The following RYR3 variants were observed in gnomAD, a reference collection of about 807,000 sequenced individuals.
RYR3 encodes ryanodine receptor 3.
In RYR3, 207 loss-of-function variants were observed where a neutral mutation model predicts 584.3. That is an observed-to-expected ratio of 0.35 (90% confidence interval 0.32 to 0.40). The LOEUF (loss-of-function observed/expected upper bound fraction) is 0.40. Ranked by LOEUF, RYR3 falls within the 10% of genes least tolerant of loss-of-function variation. The pLI is 1.00. For missense variants in RYR3, 5,616 were observed against 6,089.2 expected (o/e 0.92, Z 2.59); for synonymous variants, 2,416 against 2,248.5 (o/e 1.07, Z -2.11).
chr15:33,581,778 C>T, intron 14 of RYR3, 135 bp downstream of exon 14: 1 of 759,496 alleles, frequency 1.3e-6, no homozygotes, highest in Non-Finnish European at 2.2e-6. Flanking sequence ...CTTTTGTTAA[C>T]CATTCAATTT....
chr15:33,368,046 T>C (rs1221215208), intron 1 of RYR3, among the ~76,000 whole-genome samples: 1 of 152,214 alleles, frequency 6.6e-6, no homozygotes, highest in African/African-American at 2.4e-5. Flanking sequence ...AAGTGAACTC[T>C]AGTTTTATTC....
chr15:33,861,594 ACT>A (rs1888241522), intron 102 of RYR3, among the ~76,000 whole-genome samples: 1 of 151,360 alleles, frequency 6.6e-6, no homozygotes, highest in Admixed American at 6.6e-5. Context: ...ATGCTCAGTC[ACT>A]GTCTTCAATT....
intron 18 of RYR3, among the ~76,000 whole-genome samples, chr15:33,605,771 C>T (rs2059876392): frequency 6.6e-6 from 1 of 152,122 alleles, no homozygotes; most frequent in Admixed American, 6.5e-5. Flanking sequence ...TGATGTCCCC[C>T]ACCAGGACAG....
At chr15:33,863,330 G>C (rs537810692) in intron 102 of RYR3, among the ~76,000 whole-genome samples, 36 of 152,274 alleles carry the variant, frequency 2.4e-4, no homozygotes, top group African/African-American at 7.7e-4. Context: ...GAAAGGCAGT[G>C]AACATACTTA....
At chr15:33,343,216 C>T (rs1972040250) in intron 1 of RYR3, among the ~76,000 whole-genome samples, 1 of 152,212 alleles carries the variant, frequency 6.6e-6, no homozygotes, top group Non-Finnish European at 1.5e-5. Context: ...TCTGCCAGTT[C>T]TCTGGAAGTT....
chr15:33,564,583 C>T (rs2057596517), intron 11 of RYR3, among the ~76,000 whole-genome samples: 1 of 152,112 alleles, frequency 6.6e-6, no homozygotes, highest in Admixed American at 6.5e-5. Context: ...GCAGTAATAC[C>T]ATCTAGAGCC....
chr15:33,657,536 C>T (rs16957256), intron 32 of RYR3, among the ~76,000 whole-genome samples: 6,509 of 152,306 alleles, frequency 0.043, 450 homozygotes, highest in African/African-American at 0.15. Flanking sequence ...CCAGGGACGA[C>T]TCCTGCCTTG....
chr15:33,563,820 C>T (rs947751719), intron 11 of RYR3, among the ~76,000 whole-genome samples: 8 of 151,870 alleles, frequency 5.3e-5, no homozygotes, highest in Non-Finnish European at 7.4e-5. Flanking sequence ...ACCTTATTAC[C>T]TTAAGGCAAC....
Position 33,587,903 on chromosome 15 carries a change from G to C in RYR3, c.1788+1787G>C, listed in dbSNP as rs117790508. Among the ~76,000 whole-genome samples the C allele has an allele frequency of 2.4e-3, 367 of 152,280 alleles. 1 individual carries two copies. Among genetic ancestry groups the C allele is most frequent in the Non-Finnish European group, 4.3e-3 (295 of 68,030 alleles). On this transcript the variant is annotated intron_variant, in intron 16 of 103. Transcript: ENST00000634891. Reference sequence around the variant, plus strand: ...ACTTCCATTGCAACACTTCATCTTTGCTTGGAAAATGCCAAGGTCATGTTT... The same window carrying C: ...ACTTCCATTGCAACACTTCATCTTTCCTTGGAAAATGCCAAGGTCATGTTT...
At chr15:33,376,052 C>T (rs535520928) in intron 1 of RYR3, among the ~76,000 whole-genome samples, 3 of 152,156 alleles carry the variant, frequency 2.0e-5, no homozygotes, top group African/African-American at 4.8e-5. Flanking sequence ...GAACAGAGTG[C>T]GACTCCATCT....
intron 6 of RYR3, among the ~76,000 whole-genome samples, chr15:33,540,068 T>C (rs746767177): frequency 6.6e-6 from 1 of 152,162 alleles, no homozygotes; most frequent in Non-Finnish European, 1.5e-5. Flanking sequence ...GATCATGGTG[T>C]CCGGAACTAA....
intron 8 of RYR3, 138 bp downstream of exon 8, chr15:33,543,853 C>T: frequency 1.4e-6 from 1 of 691,920 alleles, no homozygotes; most frequent in African/African-American, 1.8e-5. Flanking sequence ...GCCATGGGTT[C>T]CGGTTTGTAA....
chr15:33,488,907 ATTCTTCATG>A (rs1404843531), intron 2 of RYR3, among the ~76,000 whole-genome samples: 1 of 152,162 alleles, frequency 6.6e-6, no homozygotes. Flanking sequence ...TGTCATCTTG[ATTCTTCATG>A]GATATTTTCA....
intron 31 of RYR3, among the ~76,000 whole-genome samples, chr15:33,650,567 A>G (rs1455655382): frequency 6.6e-6 from 1 of 152,180 alleles, no homozygotes; most frequent in African/African-American, 2.4e-5. Flanking sequence ...TTTTTAGGAC[A>G]GTGCCTCAAC....
intron 43 of RYR3, among the ~76,000 whole-genome samples, chr15:33,710,709 G>A (rs1410185928): frequency 4.6e-5 from 7 of 152,220 alleles, no homozygotes; most frequent in Non-Finnish European, 8.8e-5. Context: ...AAGCTGACAA[G>A]TGTTCTCCAC....
intron 1 of RYR3, among the ~76,000 whole-genome samples, chr15:33,341,642 T>G (rs1416306455): frequency 6.6e-6 from 1 of 152,096 alleles, no homozygotes; most frequent in African/African-American, 2.4e-5. Flanking sequence ...TGTTCATTCA[T>G]CATAGAGAGT....
rs181399153 is a variant in RYR3, at chr15:33,739,280, A to G, written c.7657-552A>G. ...GCACTTAAATTTTCTTTACCCCTGG[A>G]TTTCGTTGGTCTAGTATAAGCAGAT... On this transcript the variant is annotated intron_variant, in intron 50 of 103. Coordinates refer to ENST00000634891, the MANE Select transcript of RYR3 (RefSeq NM_001036.6). 1.6e-3 allele frequency among the ~76,000 whole-genome samples: 238 copies of G among 152,304 alleles called. 3 individuals carry two copies. The highest frequency in any genetic ancestry group is 4.0e-3 in the African/African-American group (168 of 41,580).
At position 33,844,918 on chromosome 15, in the gene RYR3, C is replaced by G. The variant is rs1555488276; in HGVS notation, c.13353C>G (p.Ser4451=). ...ETEDVANLWN[S]FNDEEEEEAM... is the part of the protein sequence containing the mutation. ...AGGATGTTGCAAACCTATGGAATTC[C>G]TTTAATGACGAGGAAGAGGAAGAAG... Residue 4451 remains serine, a synonymous_variant, in exon 93 of 104, where the codon TCC becomes TCG. Coordinates refer to ENST00000634891, the MANE Select transcript of RYR3 (RefSeq NM_001036.6). 1 of 1,614,010 alleles carries G rather than the reference C, an allele frequency of 6.2e-7. No homozygotes were observed. The highest frequency in any genetic ancestry group is 8.5e-7 in the Non-Finnish European group (1 of 1,179,886).
At chr15:33,496,943 G>T (rs1454105122) in intron 2 of RYR3, among the ~76,000 whole-genome samples, 1 of 152,092 alleles carries the variant, frequency 6.6e-6, no homozygotes, top group Non-Finnish European at 1.5e-5. Flanking sequence ...ATTCCTTGAA[G>T]GACAGAAACC....
Sources: allele counts gnomAD v4.1 joint callset (sites outside exome capture counted in the v4.1 genomes callset), GRCh38; gene constraint gnomAD v4.1.1; transcripts MANE v1.5; gene names NCBI Gene and HGNC (gene_info 2026-07-23, HGNC 2026-07-21).